Variants in MED24 observed in about 807,000 individuals in gnomAD.
MED24 encodes mediator complex subunit 24.
A neutral mutation model predicts 118.8 loss-of-function variants in MED24; 74 were observed. That is an observed-to-expected ratio of 0.62 (90% CI 0.52 to 0.76). The LOEUF is 0.76. Among genes scored for constraint, MED24 ranks in the 30% least tolerant of loss-of-function variants. The pLI is 0.00. For missense variants in MED24, 1,041 were observed against 1,278.9 expected, an observed-to-expected ratio of 0.81 and a Z score of 2.84; for synonymous variants, 521 against 523.9, an observed-to-expected ratio of 0.99 and a Z score of 0.08.
chr17:40,027,093 T>C (rs1224434841), intron 16 of MED24, 59 bp from the exon 17 acceptor site: 1 of 1,579,346 alleles, frequency 6.3e-7, no homozygotes, highest in South Asian at 1.1e-5. Context: ...CTGCCAGCGC[T>C]GGACCTGGGG....
intron 12 of MED24, 87 bp from the exon 13 acceptor site, chr17:40,029,946 T>G: frequency 8.2e-7 from 1 of 1,214,888 alleles, no homozygotes; most frequent in South Asian, 1.2e-5. Flanking sequence ...CGGAAGGAAA[T>G]GCGCAGAGGA....
chr17:40,022,640 C>T lies in MED24; in HGVS notation c.2432+5G>A. ...GAGCAGGGCAAGCTCTGAAGAGAAT[C>T]TTACTTGGCAAGAGCAGTGCCCGGG... On this transcript the variant is annotated splice_donor_5th_base_variant and intron_variant, in intron 21 of 25. Coordinates refer to ENST00000394128, the MANE Select transcript of MED24 (RefSeq NM_014815.4). The T allele has an allele frequency of 1.9e-6, 3 of 1,613,154 alleles. No individual in the cohort carries two copies. The highest frequency in any genetic ancestry group is 2.5e-6 in the Non-Finnish European group (3 of 1,179,970).
In MED24 at chr17:40,053,319, C is replaced by G. The variant is rs756715709; in HGVS notation, c.192G>C (p.Leu64=). 4.3e-6 allele frequency: 7 copies of G among 1,611,030 alleles called. No homozygotes were observed. The South Asian group carries it at 7.7e-5, about 18-fold the overall frequency. Residue 64 remains leucine, a synonymous_variant, in exon 3 of 26, where the codon CTG becomes CTC. Transcript: ENST00000394128. ...PSPNPLILSY[L]KYAISSQMVS... is the part of the protein sequence containing the mutation. ...TTACCTGGGAACTAATGGCATACTT[C>G]AGGTAGGACAAGATGAGAGGATTGG...
chr17:40,053,583 G>T lies in MED24; in HGVS notation c.16C>A (p.Leu6Met). 6.2e-6 allele frequency: 10 copies of T among 1,614,168 alleles called. No individual in the cohort carries two copies. The highest frequency in any genetic ancestry group is 8.5e-6 in the Non-Finnish European group (10 of 1,180,050). ...CAGGCTTGCAAAATGGCTTGCTTCAGGTTGACCACCTTCATTATTTCACTC... is the reference window on the plus strand; with the variant it reads ...CAGGCTTGCAAAATGGCTTGCTTCATGTTGACCACCTTCATTATTTCACTC... Reference protein sequence around the residue: MKVVNLKQAILQAWKE... With the variant: MKVVNMKQAILQAWKE... Residue 6 changes from leucine to methionine, a missense_variant, in exon 2 of 26, where the codon CTG becomes ATG. Physicochemically the swap from Leu to Met is conservative, Grantham distance 15. Coordinates refer to ENST00000394128, the MANE Select transcript of MED24 (RefSeq NM_014815.4).
chr17:40,039,677 C>T (rs1167488586), intron 3 of MED24, among the ~76,000 whole-genome samples: 5 of 152,090 alleles, frequency 3.3e-5, no homozygotes, highest in Non-Finnish European at 7.3e-5. Flanking sequence ...CAGGGTCTCG[C>T]TCTGTCACCC....
In MED24 at chr17:40,031,176, G is replaced by A; in HGVS notation, c.1137C>T (p.Asn379=). The change falls in exon 12 of 26, where the codon AAC becomes AAT. Residue 379 remains asparagine, a synonymous_variant. Transcript: ENST00000394128. ...KQGLLSEASV[N]NLMAKRKADR... ...ACACTTACCGCTTAGCCATAAGGTT[G>A]TTGACGCTGGCCTCAGACAGAAGCC... 6.4e-7 allele frequency: 1 copy of A among 1,568,906 alleles called. No individual in the cohort carries two copies. Among genetic ancestry groups the A allele is most frequent in the South Asian group, 1.2e-5 (1 of 85,220 alleles).
chr17:40,022,341 C>G, intron 22 of MED24, 53 bp downstream of exon 22: 1 of 1,528,492 alleles, frequency 6.5e-7, no homozygotes, highest in South Asian at 1.2e-5. Context: ...TTAGGAAATG[C>G]TGTAACAAAC....
chr17:40,022,908 G>A, intron 20 of MED24, 82 bp from the exon 21 acceptor site: 2 of 1,511,180 alleles, frequency 1.3e-6, no homozygotes, highest in Non-Finnish European at 1.8e-6. Flanking sequence ...CAGCATGGCT[G>A]TCCAGTAAGG....
At position 40,053,333 on chromosome 17, in the gene MED24, T is replaced by A. The variant is rs769472283; in HGVS notation, c.178A>T (p.Ile60Phe). Residue 60 changes from isoleucine (I) to phenylalanine (F), a missense_variant, in exon 3 of 26, where the codon ATC becomes TTC. Around this residue, in one of 3 missense-constraint regions of MED24, gnomAD observed 434 missense variants for 514.9 expected, o/e 0.84. Transcript: ENST00000394128. ...AMIGPSPNPLILSYLKYAISS... is the reference protein window; with the variant it reads ...AMIGPSPNPLFLSYLKYAISS... ...ATGGCATACTTCAGGTAGGACAAGA[T>A]GAGAGGATTGGGGGATGGTCCAATC... 5.6e-6 allele frequency: 9 copies of A among 1,612,492 alleles called. No homozygotes were observed. The Admixed American group carries it at 1.5e-4, about 27-fold the overall frequency.
chr17:40,025,631 A>G (rs1040890815), intron 19 of MED24, among the ~76,000 whole-genome samples: 1 of 152,204 alleles, frequency 6.6e-6, no homozygotes, highest in Non-Finnish European at 1.5e-5. Context: ...TATACTTAAC[A>G]CTACTGAACA....
chr17:40,047,596 A>T (rs1307376141), intron 3 of MED24, among the ~76,000 whole-genome samples: 1 of 148,088 alleles, frequency 6.8e-6, no homozygotes, highest in Non-Finnish European at 1.5e-5. Context: ...TGGGAGGCGG[A>T]GGTTGCAGTG....
intron 19 of MED24, among the ~76,000 whole-genome samples, chr17:40,025,765 C>A (rs1276109129): frequency 6.6e-6 from 1 of 152,038 alleles, no homozygotes; most frequent in African/African-American, 2.4e-5. Context: ...CCTCCAAGCC[C>A]CTGAAGAGCC....
intron 1 of MED24, 196 bp from the exon 2 acceptor site, chr17:40,053,831 G>C (rs543120080): frequency 1.4e-6 from 1 of 709,546 alleles, no homozygotes; most frequent in African/African-American, 1.8e-5. Context: ...CCTTAAACTG[G>C]GGCACTAAGA....
chr17:40,032,613 C>T, intron 9 of MED24, 36 bp downstream of exon 9: 2 of 1,550,082 alleles, frequency 1.3e-6, no homozygotes, highest in African/African-American at 1.4e-5. Context: ...AAGAACCATT[C>T]CTAGACTGGC....
intron 12 of MED24, among the ~76,000 whole-genome samples, chr17:40,030,430 G>GAATT (rs1983219866): frequency 2.6e-5 from 4 of 151,546 alleles, no homozygotes; most frequent in African/African-American, 9.7e-5. Context: ...TGAGTAGCTG[G>GAATT]AATTACAGGT....
intron 13 of MED24, 47 bp from the exon 14 acceptor site, chr17:40,029,015 C>T: frequency 6.2e-7 from 1 of 1,612,604 alleles, no homozygotes; most frequent in Admixed American, 1.7e-5. Flanking sequence ...CTGAAGACCC[C>T]CCACCCAAGA....
At chr17:40,036,279 A>G in intron 3 of MED24, 125 bp from the exon 4 acceptor site, 2 of 910,934 alleles carry the variant, frequency 2.2e-6, no homozygotes, top group Non-Finnish European at 3.5e-6. Context: ...GCCCTCTTCA[A>G]CCCAAGCAAG....
At chr17:40,052,625 G>A (rs950437207) in intron 3 of MED24, among the ~76,000 whole-genome samples, 1 of 151,922 alleles carries the variant, frequency 6.6e-6, no homozygotes, top group Non-Finnish European at 1.5e-5. Flanking sequence ...TTTAATAGAC[G>A]GAGTGTTGTT....
intron 24 of MED24, 154 bp downstream of exon 24, chr17:40,020,119 C>T: frequency 9.9e-7 from 1 of 1,014,634 alleles, no homozygotes; most frequent in Non-Finnish European, 1.5e-6. Context: ...TAGACAGGAG[C>T]CTGGGGGCCA....
Sources: allele counts gnomAD v4.1 joint callset (sites outside exome capture counted in the v4.1 genomes callset), GRCh38; gene constraint gnomAD v4.1.1; regional missense constraint gnomAD v4.1.1; transcripts MANE v1.5; gene names NCBI Gene and HGNC (gene_info 2026-07-23, HGNC 2026-07-21).